Variants in APBB1IP observed in about 807,000 individuals in gnomAD.
The protein encoded by APBB1IP is amyloid beta A4 precursor protein-binding family B member 1-interacting protein.
Under a neutral mutation model 64.9 loss-of-function variants are expected in APBB1IP, and 27 were observed. The observed-to-expected ratio is 0.42, with a 90% confidence interval of 0.31 to 0.57. APBB1IP has a LOEUF of 0.57. APBB1IP is among the 20% of genes least tolerant of loss of function. The pLI, the probability that APBB1IP is intolerant of heterozygous loss-of-function variation, is 0.20. For synonymous variants in APBB1IP, 392 were observed against 331.0 expected (o/e 1.18, Z -2.00); for missense variants, 812 against 845.5 (o/e 0.96, Z 0.49).
chr10:26,510,734 TCACACACACACACACACA>T (rs1554776713), intron 6 of APBB1IP, among the ~76,000 whole-genome samples: 4 of 135,892 alleles, frequency 2.9e-5, no homozygotes, highest in Non-Finnish European at 6.3e-5. Flanking sequence ...AGACCCTGTC[TCACACACACACACACACA>T]CACACACACA....
chr10:26,546,866 A>G (rs1836771223), intron 11 of APBB1IP, among the ~76,000 whole-genome samples: 1 of 152,218 alleles, frequency 6.6e-6, no homozygotes, highest in Non-Finnish European at 1.5e-5. Flanking sequence ...ATGAGAGGGC[A>G]GGTGTCTCTT....
intron 2 of APBB1IP, among the ~76,000 whole-genome samples, chr10:26,485,493 A>T (rs117233461): frequency 2.0e-5 from 3 of 152,278 alleles, no homozygotes; most frequent in Non-Finnish European, 4.4e-5. Flanking sequence ...CATCAACAAG[A>T]TCTGATTCTT....
intron 2 of APBB1IP, among the ~76,000 whole-genome samples, chr10:26,482,417 T>C (rs967028120): frequency 4.6e-5 from 7 of 152,222 alleles, no homozygotes; most frequent in African/African-American, 1.7e-4. Flanking sequence ...TAAAACGCTT[T>C]CATTGCATTT....
chr10:26,492,547 C>T, intron 3 of APBB1IP, 149 bp downstream of exon 3: 1 of 698,376 alleles, frequency 1.4e-6, no homozygotes, highest in Non-Finnish European at 2.4e-6. Flanking sequence ...TTTCTATTTT[C>T]CCTAAGTGAC....
chr10:26,488,003 T>C (rs930951930), intron 2 of APBB1IP, among the ~76,000 whole-genome samples: 2 of 152,240 alleles, frequency 1.3e-5, no homozygotes, highest in African/African-American at 4.8e-5. Context: ...ATAATTACTC[T>C]TAATAATAAT....
chr10:26,536,712 C>A, intron 10 of APBB1IP, among the ~76,000 whole-genome samples: 1 of 107,582 alleles, frequency 9.3e-6, no homozygotes, highest in Non-Finnish European at 1.8e-5. Flanking sequence ...CCACCTCAGC[C>A]CACCCCCCAC....
At chr10:26,535,495 G>T (rs893166329) in intron 9 of APBB1IP, among the ~76,000 whole-genome samples, 1 of 151,986 alleles carries the variant, frequency 6.6e-6, no homozygotes, top group South Asian at 2.1e-4. Flanking sequence ...TTAAATGTAC[G>T]ATTAAGTTAT....
chr10:26,467,520 T>C (rs1337671035), intron 2 of APBB1IP, among the ~76,000 whole-genome samples: 1 of 152,312 alleles, frequency 6.6e-6, no homozygotes, highest in African/African-American at 2.4e-5. Flanking sequence ...AGTGAGACTT[T>C]GTCTTTACAA....
chr10:26,565,015 G>A (rs747072599), intron 14 of APBB1IP, among the ~76,000 whole-genome samples: 3 of 152,010 alleles, frequency 2.0e-5, no homozygotes, highest in Non-Finnish European at 4.4e-5. Context: ...CCAACACAAG[G>A]AGACATTGTC....
chr10:26,483,092 TAAAAAAAA>T (rs35069320), intron 2 of APBB1IP, among the ~76,000 whole-genome samples: 2 of 67,140 alleles, frequency 3.0e-5, no homozygotes, highest in South Asian at 7.1e-4. Context: ...CTCCATCTGA[TAAAAAAAA>T]AAAAAAAAAA....
At chr10:26,533,260 C>A (rs1244598467) in intron 8 of APBB1IP, among the ~76,000 whole-genome samples, 179 bp from the exon 9 acceptor site, 3 of 152,158 alleles carry the variant, frequency 2.0e-5, no homozygotes, top group African/African-American at 7.2e-5. Context: ...TTCACTCCTG[C>A]CTTGGCAATG....
chr10:26,470,047 G>C (rs1371606229), intron 2 of APBB1IP, among the ~76,000 whole-genome samples: 3 of 152,150 alleles, frequency 2.0e-5, no homozygotes, highest in Non-Finnish European at 4.4e-5. Flanking sequence ...AAGTGGCGGG[G>C]ACCCTGGTCA....
At chr10:26,533,924 C>A (rs1476555045) in intron 9 of APBB1IP, among the ~76,000 whole-genome samples, 1 of 151,932 alleles carries the variant, frequency 6.6e-6, no homozygotes, top group Non-Finnish European at 1.5e-5. Flanking sequence ...GGACCCGTTA[C>A]AGGAGGCGGC....
At chr10:26,477,023 A>T (rs1262060017) in intron 2 of APBB1IP, among the ~76,000 whole-genome samples, 1 of 151,986 alleles carries the variant, frequency 6.6e-6, no homozygotes, top group African/African-American at 2.4e-5. Context: ...CTGGTCTCGA[A>T]CTCCTGACCT....
intron 2 of APBB1IP, among the ~76,000 whole-genome samples, chr10:26,471,090 TA>T (rs879645879): frequency 3.2e-4 from 49 of 151,696 alleles, no homozygotes; most frequent in African/African-American, 1.1e-3. Context: ...TTCTAAAGAT[TA>T]AAAAAAAACT....
At chr10:26,456,872 G>A (rs1835532635) in intron 2 of APBB1IP, among the ~76,000 whole-genome samples, 1 of 152,190 alleles carries the variant, frequency 6.6e-6, no homozygotes, top group African/African-American at 2.4e-5. Flanking sequence ...CTGATAAGAT[G>A]TGGAAGACCT....
intron 8 of APBB1IP, among the ~76,000 whole-genome samples, chr10:26,518,763 A>G (rs923938577): frequency 3.9e-5 from 6 of 152,128 alleles, no homozygotes; most frequent in Non-Finnish European, 8.8e-5. Flanking sequence ...CCAGTCTCTC[A>G]CCCTAGACTA....
intron 2 of APBB1IP, among the ~76,000 whole-genome samples, chr10:26,481,826 C>CTTGT (rs1491211698): frequency 3.8e-4 from 55 of 143,344 alleles, no homozygotes; most frequent in African/African-American, 1.3e-3. Context: ...CATCTCATTA[C>CTTGT]GTGTGTGTGT....
At position 26,524,955 on chromosome 10, in the gene APBB1IP, C is replaced by CTTTCTTTTTTTTTTTTTTTTTTT. The variant is rs747655095; in HGVS notation, c.814-8481_814-8480insCTTTTTTTTTTTTTTTTTTTTTT. Among the ~76,000 whole-genome samples the CTTTCTTTTTTTTTTTTTTTTTTT allele has an allele frequency of 1.1e-3, 82 of 73,938 alleles. 3 individuals carry two copies. The highest frequency in any genetic ancestry group is 1.3e-3 in the Non-Finnish European group (51 of 38,458). The allele number at this position is 73,938 out of a possible 152,430, so 48.5% of individuals were successfully genotyped here. Reference sequence around the variant, plus strand: ...TCTTTTTCTTTCTCTTTCTTTCTTTCTTTTTTTTTTTTTTTTTTTATAAAA... The same window carrying CTTTCTTTTTTTTTTTTTTTTTTT: ...TCTTTTTCTTTCTCTTTCTTTCTTTCTTTCTTTTTTTTTTTTTTTTTTTTTTTTTTTTTTTTTTTTTTATAAAA... On this transcript the variant is annotated intron_variant, in intron 8 of 14. Coordinates refer to ENST00000376236, the MANE Select transcript of APBB1IP (RefSeq NM_019043.4).
Sources: allele counts gnomAD v4.1 joint callset (sites outside exome capture counted in the v4.1 genomes callset), GRCh38; gene constraint gnomAD v4.1.1; transcripts MANE v1.5; gene names NCBI Gene and HGNC (gene_info 2026-07-23, HGNC 2026-07-21).